Variants in MYO1D observed in about 807,000 individuals in gnomAD.
MYO1D encodes unconventional myosin-Id.
A neutral mutation model predicts 122.0 loss-of-function variants in MYO1D; 83 were observed. The ratio of observed to expected loss-of-function variants is 0.68; its 90% CI spans 0.57 to 0.82. The LOEUF is 0.82. Among genes scored for constraint, MYO1D ranks in the 40% least tolerant of loss-of-function variants. The pLI is 0.00. For missense variants in MYO1D, 1,157 were observed against 1,269.5 expected (o/e 0.91, Z 1.35); for synonymous variants, 464 against 446.9 (o/e 1.04, Z -0.48).
rs1287702139 is a variant in MYO1D, at chr17:32,763,014, G to C, written c.1035+1864C>G. On this transcript the variant is annotated intron_variant, in intron 8 of 21. Transcript: ENST00000318217. ...ATCCTGGCTAACATGGTGAAACCCT[G>C]TCTCTACTAAAAATATAAAAAATTA... 2.0e-5 allele frequency among the ~76,000 whole-genome samples: 3 copies of C among 151,752 alleles called. No homozygotes were observed. In the East Asian group the frequency reaches 5.8e-4, roughly 30 times the overall value.
At chr17:32,524,853 G>A (rs887448123) in intron 21 of MYO1D, among the ~76,000 whole-genome samples, 26 of 152,040 alleles carry the variant, frequency 1.7e-4, no homozygotes, top group Non-Finnish European at 7.4e-5. Context: ...GAGCCACTGC[G>A]CCTGGCCTTG....
chr17:32,514,825 C>T (rs531455031), intron 21 of MYO1D, among the ~76,000 whole-genome samples: 4 of 152,344 alleles, frequency 2.6e-5, no homozygotes, highest in Non-Finnish European at 2.9e-5. Flanking sequence ...CAGGGGCCTT[C>T]CAGGTTCCCT....
At chr17:32,755,137 C>T (rs537684955) in intron 11 of MYO1D, among the ~76,000 whole-genome samples, 2 of 152,178 alleles carry the variant, frequency 1.3e-5, no homozygotes, top group African/African-American at 4.8e-5. Context: ...TTTTCCATGC[C>T]AGAATTATCA....
chr17:32,577,823 C>A (rs1481503371), intron 21 of MYO1D, among the ~76,000 whole-genome samples: 3 of 151,878 alleles, frequency 2.0e-5, no homozygotes, highest in Non-Finnish European at 4.4e-5. Context: ...ACTGCAAGCT[C>A]TGCCTCCTGG....
At chr17:32,519,596 C>T (rs959555718) in intron 21 of MYO1D, among the ~76,000 whole-genome samples, 2 of 151,812 alleles carry the variant, frequency 1.3e-5, no homozygotes, top group Admixed American at 6.6e-5. Flanking sequence ...CACACGCCCT[C>T]CTTGCAGCCC....
rs138097701 is a variant in MYO1D, at chr17:32,587,250, G to A, written c.2864+17837C>T. Among the ~76,000 whole-genome samples the A allele has an allele frequency of 1.5e-3, 225 of 152,270 alleles. 1 individual carries two copies. Among genetic ancestry groups the A allele is most frequent in the African/African-American group, 5.2e-3 (215 of 41,548 alleles). ...CGCCAGGCCAGGGGCTGTGGCTCACGCCTGTAATTCCAGCACTTTGGGAAG... is the reference window on the plus strand; with the variant it reads ...CGCCAGGCCAGGGGCTGTGGCTCACACCTGTAATTCCAGCACTTTGGGAAG... On this transcript the variant is annotated intron_variant, in intron 21 of 21. Transcript: ENST00000318217.
intron 16 of MYO1D, among the ~76,000 whole-genome samples, chr17:32,688,734 T>C (rs2089054877): frequency 6.6e-6 from 1 of 152,166 alleles, no homozygotes; most frequent in South Asian, 2.1e-4. Flanking sequence ...TGAAGGGTTT[T>C]TGAACGGAGA....
chr17:32,560,864 C>T (rs985305487), intron 21 of MYO1D, among the ~76,000 whole-genome samples: 5 of 150,372 alleles, frequency 3.3e-5, no homozygotes, highest in African/African-American at 1.2e-4. Flanking sequence ...GTGATCTGCC[C>T]GCCTTGGCCT....
At chr17:32,859,154 T>C (rs1434682120) in intron 1 of MYO1D, among the ~76,000 whole-genome samples, 1 of 152,236 alleles carries the variant, frequency 6.6e-6, no homozygotes, top group Non-Finnish European at 1.5e-5. Context: ...TATAGGTGCA[T>C]ACGCATTCAC....
At chr17:32,766,317 A>C (rs1027475800) in intron 7 of MYO1D, among the ~76,000 whole-genome samples, 1 of 152,232 alleles carries the variant, frequency 6.6e-6, no homozygotes, top group African/African-American at 2.4e-5. Flanking sequence ...TCAGTTGATT[A>C]ATCTGTTGAT....
intron 1 of MYO1D, among the ~76,000 whole-genome samples, chr17:32,846,168 C>G (rs2090936098): frequency 6.6e-6 from 1 of 152,186 alleles, no homozygotes. Context: ...CAGGAACAGG[C>G]CTGCAATGCA....
chr17:32,505,621 T>G (rs1909479704), intron 21 of MYO1D: 1 of 152,182 alleles, frequency 6.6e-6, no homozygotes, highest in Non-Finnish European at 1.5e-5. Context: ...CCTTCCAGCC[T>G]GGCAAAGTGG....
chr17:32,658,355 G>A (rs1380204523), intron 17 of MYO1D, among the ~76,000 whole-genome samples: 1 of 152,118 alleles, frequency 6.6e-6, no homozygotes, highest in African/African-American at 2.4e-5. Flanking sequence ...GACTATATTT[G>A]AGAAGAAGTA....
At chr17:32,708,183 T>C (rs573819216) in intron 16 of MYO1D, among the ~76,000 whole-genome samples, 5 of 152,300 alleles carry the variant, frequency 3.3e-5, no homozygotes, top group Admixed American at 6.5e-5. Flanking sequence ...GGAAAAAAGA[T>C]AGTACAAAGT....
intron 16 of MYO1D, among the ~76,000 whole-genome samples, chr17:32,673,793 C>T (rs1171506313): frequency 5.3e-5 from 8 of 152,132 alleles, no homozygotes; most frequent in Admixed American, 5.2e-4. Context: ...AGATGCTCAT[C>T]GATAGTTCTT....
chr17:32,567,049 T>C (rs1018305721), intron 21 of MYO1D, among the ~76,000 whole-genome samples: 5 of 151,706 alleles, frequency 3.3e-5, no homozygotes, highest in African/African-American at 1.2e-4. Flanking sequence ...GGCTGCAGGC[T>C]TCTGGGATAT....
At chr17:32,778,022 G>A (rs1287755432) in intron 3 of MYO1D, among the ~76,000 whole-genome samples, 2 of 152,176 alleles carry the variant, frequency 1.3e-5, no homozygotes, top group Non-Finnish European at 2.9e-5. Context: ...GGGAAGGCAT[G>A]GGTCTGCCTT....
At chr17:32,858,320 C>T (rs769687323) in intron 1 of MYO1D, among the ~76,000 whole-genome samples, 3 of 152,182 alleles carry the variant, frequency 2.0e-5, no homozygotes, top group Non-Finnish European at 2.9e-5. Flanking sequence ...AATTCTTGAA[C>T]CCTATTCAAA....
Position 32,585,398 on chromosome 17 carries a change from G to T in MYO1D, c.2864+19689C>A, listed in dbSNP as rs551896902. On this transcript the variant is annotated intron_variant, in intron 21 of 21. Transcript: ENST00000318217. ...ATTTTTTCCACTATGAAAATTTTATGTGAATTTACTGGCTACTAGTTGCTT... is the reference window on the plus strand; with the variant it reads ...ATTTTTTCCACTATGAAAATTTTATTTGAATTTACTGGCTACTAGTTGCTT... Among the ~76,000 whole-genome samples, 75 of 152,234 alleles carry T rather than the reference G, an allele frequency of 4.9e-4. No individual in the cohort carries two copies. The South Asian group carries it at 0.015, about 31-fold the overall frequency.
Sources: allele counts gnomAD v4.1 joint callset (sites outside exome capture counted in the v4.1 genomes callset), GRCh38; gene constraint gnomAD v4.1.1; transcripts MANE v1.5; gene names NCBI Gene and HGNC (gene_info 2026-07-23, HGNC 2026-07-21).